The following GSG1L variants were observed in gnomAD, a reference collection of about 807,000 sequenced individuals.
The protein encoded by GSG1L is germ cell-specific gene 1-like protein.
GSG1L carries 24 observed loss-of-function variants against 42.1 expected under a neutral mutation model. The ratio of observed to expected loss-of-function variants is 0.57; its 90% CI spans 0.41 to 0.80. GSG1L has a LOEUF of 0.80. Ranked by LOEUF, GSG1L falls within the 30% of genes least tolerant of loss-of-function variation. The pLI, the probability that GSG1L is intolerant of heterozygous loss-of-function variation, is 0.00. For synonymous variants in GSG1L, 215 were observed against 203.5 expected, an observed-to-expected ratio of 1.06 and a Z score of -0.48; for missense variants, 445 against 472.2, an observed-to-expected ratio of 0.94 and a Z score of 0.53.
At chr16:28,034,661 A>G (rs1047812729) in intron 1 of GSG1L, among the ~76,000 whole-genome samples, 1 of 152,174 alleles carries the variant, frequency 6.6e-6, no homozygotes, top group Non-Finnish European at 1.5e-5. Context: ...CAGGGAGCGC[A>G]GAGCTGATCT....
chr16:27,812,459 G>A (rs200510428), intron 5 of GSG1L, among the ~76,000 whole-genome samples: 14 of 152,356 alleles, frequency 9.2e-5, no homozygotes, highest in East Asian at 5.8e-4. Flanking sequence ...TGCCCCTGCC[G>A]TGAAAGCAGA....
intron 2 of GSG1L, among the ~76,000 whole-genome samples, chr16:27,898,437 A>G (rs953484155): frequency 6.8e-6 from 1 of 146,086 alleles, no homozygotes; most frequent in Non-Finnish European, 1.5e-5. Flanking sequence ...GGCTGCTGTG[A>G]AGGCAGAAGC....
At chr16:28,022,198 G>C (rs2085851698) in intron 1 of GSG1L, among the ~76,000 whole-genome samples, 1 of 152,198 alleles carries the variant, frequency 6.6e-6, no homozygotes, top group Non-Finnish European at 1.5e-5. Flanking sequence ...GTACTGGTAG[G>C]ACCATGAGGG....
chr16:27,865,618 CACAT>C (rs1342717008), intron 3 of GSG1L, among the ~76,000 whole-genome samples: 6 of 142,868 alleles, frequency 4.2e-5, no homozygotes, highest in African/African-American at 1.5e-4. Context: ...TACACACACA[CACAT>C]ATATATGTGT....
chr16:27,988,928 C>T (rs1401502288), intron 1 of GSG1L, among the ~76,000 whole-genome samples: 1 of 151,536 alleles, frequency 6.6e-6, no homozygotes, highest in East Asian at 1.9e-4. Context: ...TGGTGCATGC[C>T]TGTAATCCCT....
intron 1 of GSG1L, among the ~76,000 whole-genome samples, chr16:27,979,663 G>GAAAGAAAGAAAGAA (rs35672057): frequency 7.0e-4 from 59 of 83,982 alleles, no homozygotes; most frequent in Middle Eastern, 6.8e-3. Flanking sequence ...AAGAAAGAAA[G>GAAAGAAAGAAAGAA]AGAGAGAGAG....
chr16:27,961,984 G>A (rs939542882), intron 2 of GSG1L, among the ~76,000 whole-genome samples: 1 of 152,146 alleles, frequency 6.6e-6, no homozygotes, highest in Non-Finnish European at 1.5e-5. Context: ...GACACATGGT[G>A]CCCTTCTGCC....
At chr16:27,855,738 AAAGAG>A (rs2083569697) in intron 3 of GSG1L, among the ~76,000 whole-genome samples, 2 of 150,982 alleles carry the variant, frequency 1.3e-5, no homozygotes, top group Non-Finnish European at 1.5e-5. Context: ...AAAAAAAAAA[AAAGAG>A]ACCAACGGAA....
intron 1 of GSG1L, among the ~76,000 whole-genome samples, chr16:28,001,164 T>C (rs550652698): frequency 1.8e-4 from 28 of 152,298 alleles, no homozygotes; most frequent in African/African-American, 6.3e-4. Context: ...TAGCCATTTC[T>C]GTTTGGCCAG....
chr16:27,908,612 G>A (rs1311389973), intron 2 of GSG1L, among the ~76,000 whole-genome samples: 2 of 152,146 alleles, frequency 1.3e-5, no homozygotes, highest in African/African-American at 4.8e-5. Flanking sequence ...TTTCTGGTGT[G>A]GGCCTTCTTC....
chr16:28,063,281 C>T lies in GSG1L; in HGVS notation c.144G>A (p.Gly48=). ...CGCCCGAGTTGGGGCAGTTGGCGCG[C>T]CCGCCCTGGCCGCAGCCCGGCTTGG... ...RVPKPGCGQG[G]RANCPNSGAN... Residue 48 remains glycine, a synonymous_variant, in exon 1 of 7, where the codon GGG becomes GGA. Transcript: ENST00000447459. The surrounding 1 kb of genome is among the most constrained non-coding windows in gnomAD (Gnocchi z 5.8). 3 of 1,372,360 alleles carry T rather than the reference C, an allele frequency of 2.2e-6. No homozygotes were observed. Among genetic ancestry groups the T allele is most frequent in the Non-Finnish European group, 2.8e-6 (3 of 1,053,882 alleles). 85.0% of individuals were successfully genotyped at this position (1,372,360 alleles called of 1,614,324 possible).
intron 6 of GSG1L, among the ~76,000 whole-genome samples, chr16:27,804,958 C>T (rs535623730): frequency 4.5e-4 from 1 of 2,212 alleles, no homozygotes; most frequent in Non-Finnish European, 8.5e-4. Context: ...GGCACGGGAG[C>T]GCTGTGGAGG....
chr16:28,008,498 T>C (rs914587174), intron 1 of GSG1L, among the ~76,000 whole-genome samples: 1 of 152,216 alleles, frequency 6.6e-6, no homozygotes, highest in African/African-American at 2.4e-5. Context: ...GCCTCCATCA[T>C]CAGCCACTGC....
chr16:28,049,059 A>C (rs2086194931), intron 1 of GSG1L, among the ~76,000 whole-genome samples: 1 of 152,172 alleles, frequency 6.6e-6, no homozygotes, highest in Admixed American at 6.5e-5. Context: ...TAAAGGTTTC[A>C]AGCCTGTCGG....
intron 5 of GSG1L, among the ~76,000 whole-genome samples, chr16:27,822,517 A>G (rs2083161437): frequency 6.6e-6 from 1 of 152,152 alleles, no homozygotes; most frequent in South Asian, 2.1e-4. Context: ...CCCGGACTCA[A>G]GTGATCCTCC....
At chr16:27,961,371 TG>T (rs1240394129) in intron 2 of GSG1L, among the ~76,000 whole-genome samples, 5 of 151,380 alleles carry the variant, frequency 3.3e-5, no homozygotes, top group African/African-American at 1.2e-4. Flanking sequence ...TTGGGAATTA[TG>T]GGATGCACAT....
chr16:27,827,025 A>G (rs1049261966), intron 5 of GSG1L, among the ~76,000 whole-genome samples: 2 of 151,792 alleles, frequency 1.3e-5, no homozygotes, highest in Non-Finnish European at 2.9e-5. Context: ...CTGGGGCCCA[A>G]CTCCCCTTCC....
intron 6 of GSG1L, among the ~76,000 whole-genome samples, chr16:27,795,189 C>A (rs56128305): frequency 1.4e-5 from 2 of 140,376 alleles, no homozygotes; most frequent in Non-Finnish European, 3.1e-5. Context: ...TTTTTTTTTT[C>A]TTTTTAAACA....
chr16:27,882,992 G>C (rs2083978416), intron 3 of GSG1L, among the ~76,000 whole-genome samples: 1 of 151,478 alleles, frequency 6.6e-6, no homozygotes, highest in Non-Finnish European at 1.5e-5. Context: ...GATGGGGGTT[G>C]CCTATAATCC....
Sources: gnomAD v4.1 joint callset for allele counts (sites outside exome capture counted in the v4.1 genomes callset) on GRCh38, gnomAD v4.1.1 for gene constraint, Gnocchi (gnomAD v3.1) non-coding constraint, MANE v1.5 for transcripts, NCBI Gene and HGNC (gene_info 2026-07-23, HGNC 2026-07-21) for gene names.